The following ATP2C1 variants were observed in gnomAD, a reference collection of about 807,000 sequenced individuals.
The protein encoded by ATP2C1 is calcium-transporting ATPase type 2C member 1.
A neutral mutation model predicts 120.5 loss-of-function variants in ATP2C1; 31 were observed. The ratio of observed to expected loss-of-function variants is 0.26; its 90% CI spans 0.19 to 0.35. The LOEUF is 0.35. ATP2C1 is among the 10% of genes least tolerant of loss of function. The probability of loss-of-function intolerance (pLI) is 1.00; values close to 1 mark genes in which losing one functional copy is unlikely to be tolerated. For synonymous variants in ATP2C1, 351 were observed against 358.7 expected, an observed-to-expected ratio of 0.98 and a Z score of 0.24; for missense variants, 731 against 1,107.5, an observed-to-expected ratio of 0.66 and a Z score of 4.83.
In ATP2C1 at chr3:130,957,160, G is replaced by A. The variant is rs113852452; in HGVS notation, c.832+981G>A. 1.9e-3 allele frequency among the ~76,000 whole-genome samples: 285 copies of A among 152,204 alleles called. 3 individuals are homozygous for A. Among genetic ancestry groups the A allele is most frequent in the African/African-American group, 6.3e-3 (262 of 41,534 alleles). ...AAAAATTGCAACCTCAGACACAAAT[G>A]GGTTAAAACATCCCCTTTTCCTTGA... On this transcript the variant is annotated intron_variant, in intron 11 of 27. Coordinates refer to ENST00000510168, the MANE Select transcript of ATP2C1 (RefSeq NM_001378687.1).
At chr3:130,917,402 C>A (rs1372312974) in intron 2 of ATP2C1, among the ~76,000 whole-genome samples, 5 of 151,974 alleles carry the variant, frequency 3.3e-5, no homozygotes, top group Admixed American at 2.6e-4. Flanking sequence ...AATATGTGAA[C>A]GCCTTTGGAT....
chr3:130,861,018 C>T (rs1320449665), intron 1 of ATP2C1, among the ~76,000 whole-genome samples: 1 of 152,104 alleles, frequency 6.6e-6, no homozygotes, highest in Non-Finnish European at 1.5e-5. Context: ...GCCTGTATTC[C>T]CAACACTTTG....
downstream of ATP2C1, among the ~76,000 whole-genome samples, chr3:131,007,215 G>T (rs577795443): frequency 5.3e-5 from 8 of 152,116 alleles, no homozygotes; most frequent in Non-Finnish European, 1.2e-4. Context: ...TGGTGTTCTC[G>T]TGTACACGTG....
chr3:130,896,862 C>T (rs2069675988), intron 2 of ATP2C1, among the ~76,000 whole-genome samples: 1 of 152,134 alleles, frequency 6.6e-6, no homozygotes, highest in Non-Finnish European at 1.5e-5. Flanking sequence ...CGTTTAAGAG[C>T]TTGAGTTGTG....
intron 2 of ATP2C1, among the ~76,000 whole-genome samples, chr3:130,901,311 C>T (rs760395175): frequency 6.6e-6 from 1 of 152,052 alleles, no homozygotes; most frequent in Non-Finnish European, 1.5e-5. Context: ...TGCCAGCCCT[C>T]TATCCTAAAA....
At chr3:130,876,080 C>T (rs2068593540) in intron 1 of ATP2C1, among the ~76,000 whole-genome samples, 1 of 151,392 alleles carries the variant, frequency 6.6e-6, no homozygotes. Context: ...TACAGGTTGT[C>T]TCTTCATTTT....
upstream of ATP2C1, chr3:130,893,995 G>C: frequency 4.2e-5 from 41 of 985,912 alleles, no homozygotes; most frequent in Non-Finnish European, 4.9e-5. Flanking sequence ...TAGTGACAAA[G>C]CTGGGTTCGC....
chr3:130,956,080 G>T lies in ATP2C1; in HGVS notation c.757-24G>T. 3 of 1,526,548 alleles carry T rather than the reference G, an allele frequency of 2.0e-6. No homozygotes were observed. In the South Asian group the frequency reaches 3.4e-5, roughly 17 times the overall value. The allele number at this position is 1,526,548 out of a possible 1,614,324, so 94.6% of individuals were successfully genotyped here. The stretch of plus-strand genomic sequence containing the variant: ...CTTAGTAAATATAGCTAATTGTGGT[G>T]ACACTCTTCTTCAATTTATCAAGGC... On this transcript the variant is annotated intron_variant, in intron 10 of 27. Transcript: ENST00000510168.
Position 130,964,040 on chromosome 3 carries a change from G to A in ATP2C1, c.969G>A (p.Met323Ile). The A allele has an allele frequency of 6.2e-7, 1 of 1,612,742 alleles. No individual in the cohort carries two copies. Among genetic ancestry groups the A allele is most frequent in the South Asian group, 1.1e-5 (1 of 91,068 alleles). Residue 323 changes from methionine (M) to isoleucine (I), a missense_variant, in exon 13 of 28, where the codon ATG becomes ATA. By Grantham distance (10) the Met-to-Ile change is conservative. Coordinates refer to ENST00000510168, the MANE Select transcript of ATP2C1 (RefSeq NM_001378687.1). Reference protein sequence around the residue: ...VVTVTLALGVMRMVKKRAIVK... With the variant: ...VVTVTLALGVIRMVKKRAIVK... Reference sequence around the variant, plus strand: ...CAGTGACGCTAGCTCTTGGTGTTATGAGAATGGTGAAGAAAAGGGCCATTG... The same window carrying A: ...CAGTGACGCTAGCTCTTGGTGTTATAAGAATGGTGAAGAAAAGGGCCATTG...
intron 8 of ATP2C1, among the ~76,000 whole-genome samples, chr3:130,951,971 C>G (rs3773806): frequency 6.6e-6 from 1 of 152,036 alleles, no homozygotes. Flanking sequence ...TTATGTTTGC[C>G]TAACACACAA....
downstream of ATP2C1, among the ~76,000 whole-genome samples, chr3:131,003,815 T>G (rs1372328823): frequency 6.6e-6 from 1 of 152,190 alleles, no homozygotes; most frequent in Non-Finnish European, 1.5e-5. Flanking sequence ...ATATACTATA[T>G]AAGTAAAGTA....
At chr3:130,861,958 T>C (rs537476730) in intron 1 of ATP2C1, among the ~76,000 whole-genome samples, 8 of 152,234 alleles carry the variant, frequency 5.3e-5, no homozygotes, top group Non-Finnish European at 8.8e-5. Flanking sequence ...TGATTTATTT[T>C]GATTTTGATT....
chr3:130,944,007 G>A (rs966763453), intron 8 of ATP2C1, among the ~76,000 whole-genome samples: 1 of 152,166 alleles, frequency 6.6e-6, no homozygotes, highest in Non-Finnish European at 1.5e-5. Flanking sequence ...ACTACTGTAT[G>A]AAATAAACTG....
chr3:130,896,515 G>A (rs934638496), intron 2 of ATP2C1, among the ~76,000 whole-genome samples: 1 of 152,132 alleles, frequency 6.6e-6, no homozygotes, highest in Non-Finnish European at 1.5e-5. Context: ...AGAAGAGCCT[G>A]TATATAGCCT....
chr3:130,940,784 T>C, intron 7 of ATP2C1, 93 bp downstream of exon 7: 3 of 975,968 alleles, frequency 3.1e-6, no homozygotes, highest in Non-Finnish European at 4.9e-6. Context: ...CCACTTTGTC[T>C]GAACATAAGG....
At chr3:131,011,948 C>A (rs1432491670) in intron 26 of ATP2C1, among the ~76,000 whole-genome samples, 1 of 152,114 alleles carries the variant, frequency 6.6e-6, no homozygotes, top group Non-Finnish European at 1.5e-5. Flanking sequence ...AGATATACAC[C>A]AGAGTAGTAT....
At chr3:130,965,494 T>C (rs903517915) in intron 14 of ATP2C1, among the ~76,000 whole-genome samples, 2 of 152,098 alleles carry the variant, frequency 1.3e-5, no homozygotes, top group Non-Finnish European at 2.9e-5. Flanking sequence ...TAAATTAAGG[T>C]ACTCCAATGG....
upstream of ATP2C1, among the ~76,000 whole-genome samples, chr3:130,893,263 C>T (rs922762380): frequency 5.3e-5 from 8 of 152,158 alleles, no homozygotes; most frequent in African/African-American, 1.9e-4. Context: ...AAGAAGTGCT[C>T]GTTCATTGGC....
At chr3:130,868,203 G>A (rs1393608880) in intron 1 of ATP2C1, 1 of 148,786 alleles carries the variant, frequency 6.7e-6, no homozygotes, top group Non-Finnish European at 1.5e-5. Flanking sequence ...ACTGGGAAGT[G>A]AGGACCCCTC....
Sources: gnomAD v4.1 joint callset for allele counts (sites outside exome capture counted in the v4.1 genomes callset) on GRCh38, gnomAD v4.1.1 for gene constraint, MANE v1.5 for transcripts, NCBI Gene and HGNC (gene_info 2026-07-23, HGNC 2026-07-21) for gene names.